The following DIAPH2 variants were observed in gnomAD, a reference collection of about 807,000 sequenced individuals.
DIAPH2 encodes the protein protein diaphanous homolog 2.
Under a neutral mutation model 92.7 loss-of-function variants are expected in DIAPH2, and 35 were observed. The ratio of observed to expected loss-of-function variants is 0.38; its 90% confidence interval spans 0.29 to 0.50. The LOEUF (loss-of-function observed/expected upper bound fraction) is 0.50, where lower values mean the gene tolerates loss of function less well. Among genes scored for constraint, DIAPH2 ranks in the 20% least tolerant of loss-of-function variants. DIAPH2 has a pLI of 0.94. For synonymous variants in DIAPH2, 301 were observed against 280.4 expected (o/e 1.07, Z -0.73); for missense variants, 701 against 819.5 (o/e 0.86, Z 1.77).
intron 17 of DIAPH2, among the ~76,000 whole-genome samples, chrX:97,056,775 T>C (rs187917475): frequency 8.9e-6 from 1 of 111,803 alleles, no homozygotes; most frequent in Non-Finnish European, 1.9e-5. Context: ...GCCTATTAAG[T>C]GCCAGTCACT....
intron 4 of DIAPH2, among the ~76,000 whole-genome samples, chrX:96,815,411 G>GT (rs1001665219): frequency 2.7e-5 from 3 of 111,459 alleles, no homozygotes; most frequent in Non-Finnish European, 5.7e-5. Flanking sequence ...AGAGTGTCCC[G>GT]TTTTTTTAGG....
rs190263320 is a variant in DIAPH2 at position 97,057,679 on chromosome X, A to G, written c.2051-15262A>G. 6.2e-5 allele frequency among the ~76,000 whole-genome samples: 7 copies of G among 112,239 alleles called. No homozygotes were observed. The East Asian group carries it at 2.0e-3, about 32-fold the overall frequency. On this transcript the variant is annotated intron_variant, in intron 17 of 26. Transcript: ENST00000324765. ...AGCCCTGATATCACAGAATGGAATA[A>G]TGTTCTAATCCTCATTAGCAGTTTG...
Position 96,815,113 on chromosome X carries a change from T to C in DIAPH2, c.447+56855T>C, listed in dbSNP as rs150148435. On this transcript the variant is annotated intron_variant, in intron 4 of 26. Coordinates refer to ENST00000324765, the MANE Select transcript of DIAPH2 (RefSeq NM_006729.5). ...AGTCTGTAGAAGTTTCTGCTGCCTTTTGTTCAGCTATGCCCTGCCCCCCGA... is the reference window on the plus strand; with the variant it reads ...AGTCTGTAGAAGTTTCTGCTGCCTTCTGTTCAGCTATGCCCTGCCCCCCGA... 4.7e-3 allele frequency among the ~76,000 whole-genome samples: 524 copies of C among 112,245 alleles called. 17 individuals are homozygous for C. The East Asian group carries it at 0.12, about 26-fold the overall frequency.
intron 26 of DIAPH2, among the ~76,000 whole-genome samples, chrX:97,518,554 GTA>G (rs960320052): frequency 2.7e-5 from 3 of 109,347 alleles, no homozygotes; most frequent in East Asian, 2.8e-4. Flanking sequence ...GTTTGTGTGT[GTA>G]TATATATATG....
At chrX:96,763,247 T>G in intron 4 of DIAPH2, 4 of 351,053 alleles carry the variant, frequency 1.1e-5, no homozygotes, top group Non-Finnish European at 1.7e-5. Context: ...ATGAGATGAA[T>G]ATTATGATCA....
chrX:96,825,354 C>CTTTTTTTTTTTT (rs57788752), intron 4 of DIAPH2, among the ~76,000 whole-genome samples: 26 of 82,519 alleles, frequency 3.2e-4, no homozygotes, highest in Non-Finnish European at 5.8e-4. Context: ...CATGTGTTTT[C>CTTTTTTTTTTTT]TTTTTTTTTT....
chrX:97,426,964 G>A (rs1213878918), intron 25 of DIAPH2, among the ~76,000 whole-genome samples: 2 of 110,389 alleles, frequency 1.8e-5, no homozygotes, highest in African/African-American at 6.6e-5. Context: ...ATCACTTGAG[G>A]TCAGGAGTTC....
chrX:96,869,624 C>T (rs1233701855), intron 4 of DIAPH2, among the ~76,000 whole-genome samples: 1 of 109,799 alleles, frequency 9.1e-6, no homozygotes, highest in Admixed American at 9.8e-5. Context: ...GGTAAGAATC[C>T]TTTTCCAGCA....
intron 4 of DIAPH2, among the ~76,000 whole-genome samples, chrX:96,824,943 C>CTT (rs1270866577): frequency 1.0e-5 from 1 of 100,174 alleles, no homozygotes; most frequent in African/African-American, 3.6e-5. Flanking sequence ...GTTTTTCTTT[C>CTT]TTTTTTTTTT....
At chrX:96,850,244 T>G (rs1386695449) in intron 4 of DIAPH2, among the ~76,000 whole-genome samples, 1 of 111,777 alleles carries the variant, frequency 8.9e-6, no homozygotes. Context: ...GCATTTGTCT[T>G]TATATTTAGT....
chrX:96,935,660 C>G (rs2065652769), intron 10 of DIAPH2, among the ~76,000 whole-genome samples: 1 of 111,254 alleles, frequency 9.0e-6, no homozygotes, highest in East Asian at 2.8e-4. Context: ...TATATGTGCT[C>G]ATATACTATG....
At chrX:97,180,288 C>T (rs9969957) in intron 22 of DIAPH2, among the ~76,000 whole-genome samples, 4,391 of 111,848 alleles carry the variant, frequency 0.039, 221 homozygotes, top group African/African-American at 0.14. Context: ...GTTTGTTGGC[C>T]GCATAAATGT....
intron 5 of DIAPH2, chrX:96,884,228 C>A: frequency 1.2e-6 from 1 of 826,831 alleles, no homozygotes. Context: ...GAGCTCGAAG[C>A]CTTCTGTGGA....
At chrX:97,511,565 G>C (rs1237968711) in intron 26 of DIAPH2, among the ~76,000 whole-genome samples, 1 of 109,679 alleles carries the variant, frequency 9.1e-6, no homozygotes. Flanking sequence ...AGTGGTGAGA[G>C]AGGGCATCCC....
At chrX:96,757,975 C>T (rs768595257) in intron 3 of DIAPH2, among the ~76,000 whole-genome samples, 179 bp from the exon 4 acceptor site, 2 of 111,755 alleles carry the variant, frequency 1.8e-5, no homozygotes, top group Admixed American at 9.5e-5. Context: ...AGAATTTACA[C>T]AAAACTGTGG....
At chrX:97,445,915 A>G (rs193033019) in intron 26 of DIAPH2, among the ~76,000 whole-genome samples, 20 of 108,761 alleles carry the variant, frequency 1.8e-4, no homozygotes, top group South Asian at 1.2e-3. Flanking sequence ...TATGGGGGGG[A>G]AAAAAAACCA....
At chrX:96,860,161 G>A (rs1173398759) in intron 4 of DIAPH2, among the ~76,000 whole-genome samples, 3 of 111,697 alleles carry the variant, frequency 2.7e-5, no homozygotes, top group Non-Finnish European at 5.6e-5. Flanking sequence ...AGTTACAAAA[G>A]GACAGATTTA....
chrX:97,428,122 C>A (rs758042000), intron 25 of DIAPH2, among the ~76,000 whole-genome samples: 2 of 110,738 alleles, frequency 1.8e-5, no homozygotes, highest in South Asian at 7.7e-4. Context: ...TCATTCAATA[C>A]CCCATCCTAG....
chrX:96,761,322 G>A (rs1261060667), intron 4 of DIAPH2, among the ~76,000 whole-genome samples: 3 of 105,346 alleles, frequency 2.8e-5, no homozygotes, highest in African/African-American at 1.0e-4. Context: ...TAAGACATGT[G>A]AACCATTGAG....
Sources: gnomAD v4.1 joint callset for allele counts (sites outside exome capture counted in the v4.1 genomes callset) on GRCh38, gnomAD v4.1.1 for gene constraint, MANE v1.5 for transcripts, NCBI Gene and HGNC (gene_info 2026-07-23, HGNC 2026-07-21) for gene names.